INPP5A: variants seen among roughly 807,000 people sequenced by gnomAD.
The protein encoded by INPP5A is 43 kDa inositol polyphosphate 5-phophatase.
Under a neutral mutation model 65.2 loss-of-function variants are expected in INPP5A, and 14 were observed. The observed-to-expected ratio is 0.21, with a 90% confidence interval of 0.14 to 0.34. INPP5A has a LOEUF of 0.34. INPP5A is among the 10% of genes least tolerant of loss of function. INPP5A has a pLI of 1.00. For missense variants in INPP5A, 431 were observed against 545.6 expected (o/e 0.79, Z 2.09); for synonymous variants, 207 against 208.3 (o/e 0.99, Z 0.05).
At chr10:132,724,156 G>T (rs1845943419) in intron 8 of INPP5A, among the ~76,000 whole-genome samples, 1 of 152,182 alleles carries the variant, frequency 6.6e-6, no homozygotes, top group South Asian at 2.1e-4. Context: ...TTAAAAGCAT[G>T]CAGGAATTGA....
At chr10:132,553,725 T>G (rs1395537871) in intron 1 of INPP5A, among the ~76,000 whole-genome samples, 1 of 114,390 alleles carries the variant, frequency 8.7e-6, no homozygotes, top group Non-Finnish European at 1.8e-5. Context: ...GGAGGGAGGA[T>G]TGGTGAACGC....
At chr10:132,669,072 T>G (rs909361018) in intron 4 of INPP5A, among the ~76,000 whole-genome samples, 10 of 152,000 alleles carry the variant, frequency 6.6e-5, no homozygotes, top group Admixed American at 6.6e-4. Flanking sequence ...GCCAACATGG[T>G]GAAACCCCGT....
chr10:132,565,075 A>G (rs2071256389), intron 1 of INPP5A, among the ~76,000 whole-genome samples: 1 of 152,202 alleles, frequency 6.6e-6, no homozygotes, highest in African/African-American at 2.4e-5. Context: ...GAGATGGTAC[A>G]TATCTAAAGA....
At chr10:132,720,871 T>C (rs1266654663) in intron 8 of INPP5A, among the ~76,000 whole-genome samples, 2 of 150,708 alleles carry the variant, frequency 1.3e-5, no homozygotes, top group African/African-American at 4.9e-5. Flanking sequence ...TCTTCAGGGA[T>C]CTGTGGTACC....
chr10:132,685,539 T>A (rs1334385136), intron 4 of INPP5A, among the ~76,000 whole-genome samples: 3 of 152,282 alleles, frequency 2.0e-5, no homozygotes, highest in Non-Finnish European at 4.4e-5. Flanking sequence ...GTTAATGATG[T>A]GTGCTTTGGT....
At chr10:132,777,878 C>CA in intron 13 of INPP5A, 96 bp downstream of exon 13, 1 of 1,544,454 alleles carries the variant, frequency 6.5e-7, no homozygotes. Context: ...GGGGTGGGGG[C>CA]ACCCAGTCTG....
Position 132,755,655 on chromosome 10 carries a change from C to T in INPP5A, c.903+5810C>T, listed in dbSNP as rs754286055. On this transcript the variant is annotated intron_variant, in intron 11 of 15. Transcript: ENST00000368594. ...GTGAGCAGGCGTGTGCATGCATGAGCGTGAGCAGGTGTGTGCATGTGAGTG... is the reference window on the plus strand; with the variant it reads ...GTGAGCAGGCGTGTGCATGCATGAGTGTGAGCAGGTGTGTGCATGTGAGTG... 4.1e-5 allele frequency among the ~76,000 whole-genome samples: 6 copies of T among 146,058 alleles called. No homozygotes were observed. In the South Asian group the frequency reaches 6.7e-4, roughly 16 times the overall value.
intron 8 of INPP5A, among the ~76,000 whole-genome samples, chr10:132,722,422 T>C (rs1017795967): frequency 3.3e-5 from 5 of 151,784 alleles, no homozygotes; most frequent in African/African-American, 1.2e-4. Context: ...CCCATTCGAG[T>C]CTGATATTTT....
chr10:132,740,705 T>C (rs1846257385), intron 9 of INPP5A, among the ~76,000 whole-genome samples: 1 of 152,190 alleles, frequency 6.6e-6, no homozygotes, highest in Admixed American at 6.5e-5. Flanking sequence ...CCCTTCTTTA[T>C]TTCTAGACAT....
At chr10:132,765,700 C>T (rs1240647020) in intron 11 of INPP5A, 73 bp from the exon 12 acceptor site, 1 of 878,320 alleles carries the variant, frequency 1.1e-6, no homozygotes, top group Non-Finnish European at 2.0e-6. Context: ...AGCGTCCCAG[C>T]TGCACACAGA....
At chr10:132,618,739 G>A (rs2072074867) in intron 2 of INPP5A, among the ~76,000 whole-genome samples, 1 of 152,196 alleles carries the variant, frequency 6.6e-6, no homozygotes. Flanking sequence ...TTTCAGTCAG[G>A]CAGAAGGCAA....
Position 132,753,225 on chromosome 10 carries a change from C to T in INPP5A, c.903+3380C>T, listed in dbSNP as rs564042595. Among the ~76,000 whole-genome samples, 20 of 152,272 alleles carry T rather than the reference C, an allele frequency of 1.3e-4. No individual in the cohort carries two copies. The highest frequency in any genetic ancestry group is 4.2e-4 in the South Asian group (2 of 4,810). On this transcript the variant is annotated intron_variant, in intron 11 of 15. Coordinates refer to ENST00000368594, the MANE Select transcript of INPP5A (RefSeq NM_005539.5). This position sits in a 1 kb window ranked among gnomAD's most constrained non-coding sequence, Gnocchi z 5.3. ...GTTGTGCCCAGAAATTGGCAGTTGT[C>T]CCCATCGACGGAGGGTCAAGGTGGT... is the stretch of plus-strand genomic sequence containing the variant.
chr10:132,563,321 G>A (rs937123904), intron 1 of INPP5A, among the ~76,000 whole-genome samples: 7 of 152,160 alleles, frequency 4.6e-5, no homozygotes, highest in South Asian at 2.1e-4. Context: ...CTCCGGGGCC[G>A]AGCTCTGCTC....
intron 4 of INPP5A, among the ~76,000 whole-genome samples, chr10:132,677,400 A>G (rs1246384602): frequency 6.6e-6 from 1 of 152,188 alleles, no homozygotes; most frequent in Admixed American, 6.5e-5. Context: ...GGCACAGAGG[A>G]AGGAGAAAGT....
chr10:132,726,423 CGGTGGATTATTTGGTTTGT>C (rs1192270031), intron 8 of INPP5A, among the ~76,000 whole-genome samples: 1 of 152,052 alleles, frequency 6.6e-6, no homozygotes, highest in Non-Finnish European at 1.5e-5. Context: ...CTGAGCTCTG[CGGTGGATTATTTGGTTTGT>C]GGTGGATTAT....
At chr10:132,611,492 C>A (rs1233732975) in intron 2 of INPP5A, among the ~76,000 whole-genome samples, 7 of 135,566 alleles carry the variant, frequency 5.2e-5, no homozygotes, top group Non-Finnish European at 9.3e-5. Context: ...GAGGCCCTGT[C>A]CGGGGAGGGT....
At chr10:132,728,189 G>C (rs1846018620) in intron 9 of INPP5A, among the ~76,000 whole-genome samples, 1 of 152,246 alleles carries the variant, frequency 6.6e-6, no homozygotes, top group African/African-American at 2.4e-5. Flanking sequence ...CCTTCATCTG[G>C]CTGTGGAGGA....
At chr10:132,588,551 C>T (rs148165718) in intron 1 of INPP5A, among the ~76,000 whole-genome samples, 115 of 152,346 alleles carry the variant, frequency 7.5e-4, no homozygotes, top group African/African-American at 2.4e-3. Context: ...GCGAGTCGTG[C>T]GGGGCAGGAT....
chr10:132,653,809 G>A (rs543490286), intron 4 of INPP5A, among the ~76,000 whole-genome samples: 4 of 152,332 alleles, frequency 2.6e-5, no homozygotes, highest in Non-Finnish European at 4.4e-5. Context: ...CAGATCGTAC[G>A]GCAGCCTTCA....
Sources: allele counts gnomAD v4.1 joint callset (sites outside exome capture counted in the v4.1 genomes callset), GRCh38; gene constraint gnomAD v4.1.1; non-coding constraint Gnocchi (gnomAD v3.1); transcripts MANE v1.5; gene names NCBI Gene and HGNC (gene_info 2026-07-23, HGNC 2026-07-21).